The following TMEM74 variants were observed in gnomAD, a reference collection of about 807,000 sequenced individuals.
The protein encoded by TMEM74 is transmembrane protein 74.
Under a neutral mutation model 18.1 loss-of-function variants are expected in TMEM74, and 13 were observed. The ratio of observed to expected loss-of-function variants is 0.72; its 90% CI spans 0.47 to 1.14. TMEM74 has a LOEUF of 1.14. TMEM74 is among the 50% of genes most tolerant of loss of function. TMEM74 has a pLI of 0.00. For synonymous variants in TMEM74, 159 were observed against 146.6 expected, an observed-to-expected ratio of 1.08 and a Z score of -0.61; for missense variants, 372 against 375.9, an observed-to-expected ratio of 0.99 and a Z score of 0.09.
chr8:108,693,142 G>T (rs1813247042), intron 1 of TMEM74, among the ~76,000 whole-genome samples: 2 of 152,146 alleles, frequency 1.3e-5, no homozygotes, highest in African/African-American at 2.4e-5. Flanking sequence ...AAGATAAGTT[G>T]TATTTGTCAT....
At chr8:108,678,557 G>T (rs1207035084) in intron 1 of TMEM74, among the ~76,000 whole-genome samples, 1 of 148,338 alleles carries the variant, frequency 6.7e-6, no homozygotes, top group African/African-American at 2.5e-5. Context: ...ATTTTTAGTA[G>T]AGACAAGGTC....
intron 2 of TMEM74, among the ~76,000 whole-genome samples, chr8:108,633,869 C>G (rs1340028010): frequency 6.6e-6 from 1 of 151,962 alleles, no homozygotes; most frequent in Non-Finnish European, 1.5e-5. Flanking sequence ...CATAAATTTT[C>G]TAATATATGC....
intron 2 of TMEM74, among the ~76,000 whole-genome samples, chr8:108,643,298 G>C (rs1041240789): frequency 6.6e-6 from 1 of 152,188 alleles, no homozygotes; most frequent in Non-Finnish European, 1.5e-5. Flanking sequence ...AAGTTCTCAG[G>C]TGATGCTGAT....
intron 1 of TMEM74, among the ~76,000 whole-genome samples, chr8:108,726,220 A>G (rs1049532167): frequency 1.3e-4 from 20 of 152,112 alleles, no homozygotes; most frequent in African/African-American, 4.6e-4. Context: ...CTCTATACCT[A>G]ATGGGAATGT....
chr8:108,708,234 C>T (rs1813436308), intron 1 of TMEM74, among the ~76,000 whole-genome samples: 1 of 148,846 alleles, frequency 6.7e-6, no homozygotes, highest in Non-Finnish European at 1.5e-5. Context: ...GAATAGTATT[C>T]CATGGTGTAT....
chr8:108,663,781 A>G (rs1812923165), intron 1 of TMEM74, among the ~76,000 whole-genome samples: 1 of 152,204 alleles, frequency 6.6e-6, no homozygotes, highest in Non-Finnish European at 1.5e-5. Context: ...ATGCAGCCAT[A>G]AAAAGGACTG....
chr8:108,661,599 A>G (rs1812900656), intron 1 of TMEM74, among the ~76,000 whole-genome samples: 2 of 152,064 alleles, frequency 1.3e-5, no homozygotes, highest in African/African-American at 4.8e-5. Context: ...CTGAAAGTAC[A>G]TGGGTTCATA....
chr8:108,656,030 G>A (rs569751042), intron 1 of TMEM74, among the ~76,000 whole-genome samples: 1 of 152,222 alleles, frequency 6.6e-6, no homozygotes, highest in Non-Finnish European at 1.5e-5. Context: ...ATTTGGTGGT[G>A]CTGATAGGGG....
At chr8:108,711,260 C>T (rs1480990131) in intron 1 of TMEM74, among the ~76,000 whole-genome samples, 1 of 152,186 alleles carries the variant, frequency 6.6e-6, no homozygotes, top group African/African-American at 2.4e-5. Context: ...GGAGGTTCCA[C>T]TCCTGGTCTC....
At chr8:108,656,262 G>C (rs1048501012) in intron 1 of TMEM74, among the ~76,000 whole-genome samples, 2 of 152,136 alleles carry the variant, frequency 1.3e-5, no homozygotes, top group African/African-American at 4.8e-5. Flanking sequence ...TAGTGGTAAA[G>C]GTTGTAAACT....
intron 1 of TMEM74, among the ~76,000 whole-genome samples, chr8:108,747,877 T>C (rs1246448907): frequency 1.3e-5 from 2 of 152,184 alleles, no homozygotes; most frequent in Admixed American, 6.6e-5. Flanking sequence ...TCCACGTCCC[T>C]GCAAAGGACA....
intron 2 of TMEM74, among the ~76,000 whole-genome samples, chr8:108,622,318 T>A (rs998274703): frequency 6.6e-6 from 1 of 152,130 alleles, no homozygotes. Flanking sequence ...AGGGTAGATG[T>A]TGTCAGCTCA....
At chr8:108,615,647 A>G (rs925664662) in intron 2 of TMEM74, among the ~76,000 whole-genome samples, 2 of 152,072 alleles carry the variant, frequency 1.3e-5, no homozygotes, top group Admixed American at 1.3e-4. Flanking sequence ...AGAAAACAGA[A>G]TTCTGTAGAG....
intron 1 of TMEM74, among the ~76,000 whole-genome samples, chr8:108,753,121 TG>T (rs1304226064): frequency 2.0e-5 from 3 of 152,264 alleles, no homozygotes; most frequent in African/African-American, 7.2e-5. Flanking sequence ...CTTAATTTGC[TG>T]GAGTTTTTGA....
intron 1 of TMEM74, among the ~76,000 whole-genome samples, chr8:108,711,771 G>A (rs1230311345): frequency 1.3e-5 from 2 of 152,100 alleles, no homozygotes; most frequent in South Asian, 4.1e-4. Context: ...CATTCTTGAG[G>A]CTGTCAGGAG....
chr8:108,743,122 CTA>C (rs1813817953), intron 1 of TMEM74, among the ~76,000 whole-genome samples: 1 of 152,128 alleles, frequency 6.6e-6, no homozygotes, highest in African/African-American at 2.4e-5. Flanking sequence ...GTTAAATGAT[CTA>C]TGTCTCTTGT....
chr8:108,735,583 T>C (rs1282207737), intron 1 of TMEM74, among the ~76,000 whole-genome samples: 1 of 152,230 alleles, frequency 6.6e-6, no homozygotes. Context: ...TGTATAGACA[T>C]ACTACATTTT....
intron 2 of TMEM74, among the ~76,000 whole-genome samples, chr8:108,649,456 A>G (rs1274977997): frequency 6.6e-6 from 1 of 152,196 alleles, no homozygotes; most frequent in Non-Finnish European, 1.5e-5. Flanking sequence ...GATGCTCTGG[A>G]AAACTTATGT....
chr8:108,736,158 A>C (rs1417579378), intron 1 of TMEM74, among the ~76,000 whole-genome samples: 1 of 152,116 alleles, frequency 6.6e-6, no homozygotes, highest in Non-Finnish European at 1.5e-5. Flanking sequence ...AAAGACCCCT[A>C]GCTCACCATT....
Sources: gnomAD v4.1 joint callset for allele counts (sites outside exome capture counted in the v4.1 genomes callset) on GRCh38, gnomAD v4.1.1 for gene constraint, MANE v1.5 for transcripts, NCBI Gene and HGNC (gene_info 2026-07-23, HGNC 2026-07-21) for gene names.